ABCD2: variants seen among roughly 807,000 people sequenced by gnomAD.
ABCD2 encodes ATP binding cassette subfamily D member 2.
In ABCD2, 36 loss-of-function variants were observed where a neutral mutation model predicts 70.9. The observed-to-expected ratio is 0.51, with a 90% CI of 0.39 to 0.67. The LOEUF (loss-of-function observed/expected upper bound fraction) is 0.67, where lower values mean the gene tolerates loss of function less well. Among genes scored for constraint, ABCD2 ranks in the 30% least tolerant of loss-of-function variants. The pLI is 0.00. For missense variants in ABCD2, 729 were observed against 890.2 expected, an observed-to-expected ratio of 0.82 and a Z score of 2.30; for synonymous variants, 304 against 306.9, an observed-to-expected ratio of 0.99 and a Z score of 0.10.
At chr12:39,549,620 G>A (rs993750957), downstream of ABCD2, among the ~76,000 whole-genome samples, 2 of 151,772 alleles carry the variant, frequency 1.3e-5, no homozygotes, top group African/African-American at 4.8e-5. Context: ...TGTAACATAA[G>A]TTCCCTTTTT....
the ABCD2 span, among the ~76,000 whole-genome samples, chr12:39,534,883 G>GGAAAGAAAGAAAGAAA: frequency 1.6e-5 from 2 of 122,858 alleles, no homozygotes; most frequent in African/African-American, 2.9e-5. Context: ...AAGGAAGGAA[G>GGAAAGAAAGAAAGAAA]GAAAGAAAGA....
At chr12:39,608,725 T>A (rs1460302642) in intron 2 of ABCD2, among the ~76,000 whole-genome samples, 3 of 151,858 alleles carry the variant, frequency 2.0e-5, no homozygotes, top group Non-Finnish European at 4.4e-5. Flanking sequence ...TAATAAAATA[T>A]AAAATAAAAT....
chr12:39,541,336 A>G, the ABCD2 span, among the ~76,000 whole-genome samples: 5 of 152,236 alleles, frequency 3.3e-5, no homozygotes, highest in African/African-American at 1.2e-4. Flanking sequence ...GAATTGAAGA[A>G]AGAACTGCAA....
chr12:39,596,165 C>T (rs1164995997), intron 6 of ABCD2, among the ~76,000 whole-genome samples: 1 of 152,164 alleles, frequency 6.6e-6, no homozygotes, highest in African/African-American at 2.4e-5. Flanking sequence ...TGTGGTATTT[C>T]TTACCTATTT....
chr12:39,591,111 C>A (rs1039520683), intron 6 of ABCD2, among the ~76,000 whole-genome samples: 1 of 152,166 alleles, frequency 6.6e-6, no homozygotes, highest in Non-Finnish European at 1.5e-5. Flanking sequence ...CCACTAAGTA[C>A]TGCTGTGTTG....
intron 9 of ABCD2, among the ~76,000 whole-genome samples, chr12:39,559,191 G>A (rs1169570456): frequency 6.6e-6 from 1 of 151,868 alleles, no homozygotes. Flanking sequence ...TGACCAACCT[G>A]GTGAAACCCT....
intron 8 of ABCD2, among the ~76,000 whole-genome samples, chr12:39,576,095 A>G (rs917424726): frequency 4.6e-5 from 7 of 152,192 alleles, no homozygotes; most frequent in African/African-American, 1.7e-4. Flanking sequence ...CCTAGACCCA[A>G]ACAGATTCAG....
At chr12:39,576,344 A>G (rs1335014261) in intron 8 of ABCD2, among the ~76,000 whole-genome samples, 2 of 151,930 alleles carry the variant, frequency 1.3e-5, no homozygotes, top group Non-Finnish European at 2.9e-5. Flanking sequence ...TAATTTTTGT[A>G]GAGACGGGGT....
chr12:39,571,555 C>T (rs1386765653), intron 9 of ABCD2, among the ~76,000 whole-genome samples: 1 of 152,134 alleles, frequency 6.6e-6, no homozygotes, highest in African/African-American at 2.4e-5. Context: ...GATGGTTTGG[C>T]TCATCACTCT....
At chr12:39,560,791 C>T (rs1591966825) in intron 9 of ABCD2, among the ~76,000 whole-genome samples, 1 of 151,910 alleles carries the variant, frequency 6.6e-6, no homozygotes, top group Admixed American at 6.6e-5. Context: ...TTTTTATAAG[C>T]CTCATGGTAA....
the ABCD2 span, among the ~76,000 whole-genome samples, chr12:39,534,762 GAA>G: frequency 2.0e-3 from 25 of 12,508 alleles, no homozygotes; most frequent in African/African-American, 4.0e-3. Flanking sequence ...GAAAGAAAGA[GAA>G]AGAAAGAAAG....
intron 2 of ABCD2, among the ~76,000 whole-genome samples, chr12:39,613,677 GGA>G (rs1324900631): frequency 6.6e-6 from 1 of 152,136 alleles, no homozygotes; most frequent in Non-Finnish European, 1.5e-5. Flanking sequence ...CAGTGCATCT[GGA>G]GTTATATAAC....
At chr12:39,557,574 G>A (rs1057359523) in intron 9 of ABCD2, among the ~76,000 whole-genome samples, 3 of 152,106 alleles carry the variant, frequency 2.0e-5, no homozygotes, top group Admixed American at 2.0e-4. Flanking sequence ...TGGGGAAAAT[G>A]TCTCCAAGGC....
chr12:39,616,740 C>T (rs887678918), intron 2 of ABCD2, among the ~76,000 whole-genome samples: 1 of 152,006 alleles, frequency 6.6e-6, no homozygotes, highest in African/African-American at 2.4e-5. Flanking sequence ...TGCTCAAGGT[C>T]AACTCCGAGA....
chr12:39,534,043 GT>G, the ABCD2 span, among the ~76,000 whole-genome samples: 4 of 151,490 alleles, frequency 2.6e-5, no homozygotes, highest in South Asian at 4.2e-4. Flanking sequence ...TAGTATTACT[GT>G]TTTTTTTTCT....
intron 7 of ABCD2, among the ~76,000 whole-genome samples, chr12:39,582,953 G>A (rs1031382145): frequency 2.6e-5 from 4 of 151,344 alleles, no homozygotes; most frequent in African/African-American, 9.7e-5. Flanking sequence ...TTGACTTTGC[G>A]GGCTCAGGTG....
chr12:39,607,546 T>C (rs1474098173), intron 3 of ABCD2, 53 bp downstream of exon 3: 13 of 1,430,920 alleles, frequency 9.1e-6, no homozygotes, highest in Non-Finnish European at 1.2e-5. Flanking sequence ...GACATTTTGC[T>C]TGATTTTCAT....
the ABCD2 span, among the ~76,000 whole-genome samples, chr12:39,533,385 A>G: frequency 6.6e-6 from 1 of 152,152 alleles, no homozygotes; most frequent in Non-Finnish European, 1.5e-5. Context: ...CTCAAAAGAG[A>G]TTCATTTTTT....
chr12:39,604,986 A>T, intron 3 of ABCD2, 56 bp from the exon 4 acceptor site: 3 of 1,333,466 alleles, frequency 2.2e-6, no homozygotes, highest in Non-Finnish European at 3.0e-6. Flanking sequence ...CAATATTTTA[A>T]ATAAATATGT....
Sources: allele counts gnomAD v4.1 joint callset (sites outside exome capture counted in the v4.1 genomes callset), GRCh38; gene constraint gnomAD v4.1.1; transcripts MANE v1.5; gene names NCBI Gene and HGNC (gene_info 2026-07-23, HGNC 2026-07-21).